PSD3: variants seen among roughly 807,000 people sequenced by gnomAD.
PSD3 encodes the protein PH and SEC7 domain-containing protein 3.
A neutral mutation model predicts 105.5 loss-of-function variants in PSD3; 49 were observed. The ratio of observed to expected loss-of-function variants is 0.46; its 90% CI spans 0.37 to 0.59. PSD3 has a LOEUF of 0.59. PSD3 is among the 20% of genes least tolerant of loss of function. The probability of loss-of-function intolerance (pLI) is 0.00; values close to 1 mark genes in which losing one functional copy is unlikely to be tolerated. For missense variants in PSD3, 1,561 were observed against 1,263.8 expected (o/e 1.24, Z -3.57); for synonymous variants, 557 against 457.8 (o/e 1.22, Z -2.77).
rs1563225066 is a variant in PSD3 at position 18,752,520 on chromosome 8, ATATATATAAT to A, written c.2172+12919_2172+12928del. 1.4e-3 allele frequency among the ~76,000 whole-genome samples: 100 copies of A among 72,834 alleles called. 2 individuals are homozygous for A. The highest frequency in any genetic ancestry group is 8.7e-3 in the African/African-American group (96 of 11,072). 47.8% of individuals were successfully genotyped at this position (72,834 alleles called of 152,430 possible). ...ATATATAATATATATAATATATGTA[ATATATATAAT>A]TATATATTATATATATTATATATAA... On this transcript the variant is annotated intron_variant, in intron 9 of 15. Transcript: ENST00000327040.
chr8:18,888,287 G>A (rs570287452), intron 2 of PSD3, among the ~76,000 whole-genome samples: 21 of 152,224 alleles, frequency 1.4e-4, no homozygotes, highest in Non-Finnish European at 2.8e-4. Context: ...GCCGACTACC[G>A]GCATGACCTT....
chr8:19,035,280 A>C (rs34885412), intron 1 of PSD3, among the ~76,000 whole-genome samples: 55,945 of 151,978 alleles, frequency 0.37, 10,595 homozygotes, highest in Middle Eastern at 0.46. Flanking sequence ...AATTTGATGG[A>C]TACAACCATT....
intron 8 of PSD3, among the ~76,000 whole-genome samples, chr8:18,788,156 A>G (rs1018053434): frequency 2.0e-5 from 3 of 152,192 alleles, no homozygotes; most frequent in African/African-American, 7.2e-5. Flanking sequence ...GGTACTGAGG[A>G]CAACATCGTG....
At chr8:19,055,912 G>A (rs1334018586) in intron 1 of PSD3, among the ~76,000 whole-genome samples, 16 of 152,194 alleles carry the variant, frequency 1.1e-4, no homozygotes, top group Admixed American at 1.0e-3. Context: ...TGATGCATAT[G>A]TCAGGAGAAC....
intron 1 of PSD3, among the ~76,000 whole-genome samples, chr8:18,972,538 A>G (rs1003692118): frequency 1.3e-5 from 2 of 152,220 alleles, no homozygotes. Context: ...CTAGGAAGAG[A>G]GCAATGTGCT....
At chr8:18,884,779 A>C (rs1381252517) in intron 2 of PSD3, among the ~76,000 whole-genome samples, 1 of 152,222 alleles carries the variant, frequency 6.6e-6, no homozygotes, top group African/African-American at 2.4e-5. Flanking sequence ...CATACTAATG[A>C]TTCAGAACCC....
chr8:18,823,599 T>G (rs1475931378), intron 4 of PSD3, among the ~76,000 whole-genome samples: 1 of 152,078 alleles, frequency 6.6e-6, no homozygotes, highest in Admixed American at 6.6e-5. Flanking sequence ...ACCCAAGAGA[T>G]GACGTTTCTA....
intron 8 of PSD3, among the ~76,000 whole-genome samples, chr8:18,777,879 A>G (rs1443950422): frequency 6.6e-6 from 1 of 152,158 alleles, no homozygotes; most frequent in Non-Finnish European, 1.5e-5. Context: ...AAACTCCCTC[A>G]TGAGGGAGAG....
At chr8:18,646,822 GATAAGGGAACCAA>G (rs1808071941) in intron 10 of PSD3, among the ~76,000 whole-genome samples, 1 of 152,070 alleles carries the variant, frequency 6.6e-6, no homozygotes, top group South Asian at 2.1e-4. Context: ...AGTAAAATAT[GATAAGGGAACCAA>G]ATAATGAAAG....
chr8:19,082,278 A>G (rs1586705944), intron 1 of PSD3, among the ~76,000 whole-genome samples: 1 of 152,026 alleles, frequency 6.6e-6, no homozygotes, highest in South Asian at 2.1e-4. Context: ...AGGGAATCAC[A>G]TTGTCTGACC....
chr8:19,016,984 A>G (rs983928917), upstream of PSD3, among the ~76,000 whole-genome samples: 1 of 152,048 alleles, frequency 6.6e-6, no homozygotes, highest in African/African-American at 2.4e-5. Flanking sequence ...TTAAATTTCA[A>G]CATGAATGTT....
chr8:18,883,689 A>C (rs1818267957), intron 2 of PSD3, among the ~76,000 whole-genome samples: 1 of 152,224 alleles, frequency 6.6e-6, no homozygotes, highest in South Asian at 2.1e-4. Context: ...CAAGGTTTTT[A>C]ATGTTCATAT....
Position 18,980,892 on chromosome 8 carries a change from C to A in PSD3, c.21+32671G>T, listed in dbSNP as rs947336306. On this transcript the variant is annotated intron_variant, in intron 1 of 15. Transcript: ENST00000327040. ...AGTGAACCTCTTTCAGTTCCCTGAA[C>A]TCTTTTCACAGCTTCTGATCGCTGG... 5.3e-5 allele frequency among the ~76,000 whole-genome samples: 8 copies of A among 152,310 alleles called. No individual in the cohort carries two copies. In the East Asian group the frequency reaches 1.2e-3, roughly 22 times the overall value.
intron 2 of PSD3, among the ~76,000 whole-genome samples, chr8:18,913,645 G>C (rs370526723): frequency 9.9e-5 from 15 of 152,122 alleles, no homozygotes; most frequent in African/African-American, 3.6e-4. Context: ...TAGGGACCCA[G>C]TCTCCAGGCA....
chr8:19,070,458 C>A (rs956275672), intron 1 of PSD3, among the ~76,000 whole-genome samples: 19 of 151,138 alleles, frequency 1.3e-4, no homozygotes, highest in African/African-American at 2.9e-4. Flanking sequence ...GGTAGATCAC[C>A]TGAGGTCAGG....
At chr8:18,868,714 G>C (rs1255072235) in intron 3 of PSD3, among the ~76,000 whole-genome samples, 1 of 152,172 alleles carries the variant, frequency 6.6e-6, no homozygotes, top group African/African-American at 2.4e-5. Flanking sequence ...ACAGGGTAGG[G>C]CATTCACTTT....
At chr8:18,859,363 G>A (rs1245117004) in intron 4 of PSD3, among the ~76,000 whole-genome samples, 3 of 151,788 alleles carry the variant, frequency 2.0e-5, no homozygotes, top group African/African-American at 7.3e-5. Flanking sequence ...GTAGATTTAA[G>A]GATAATTCTG....
chr8:18,659,431 T>C (rs1809156161), intron 9 of PSD3, among the ~76,000 whole-genome samples: 1 of 152,196 alleles, frequency 6.6e-6, no homozygotes, highest in Admixed American at 6.5e-5. Context: ...GGTTTCCTTA[T>C]ACGGATGAGG....
At chr8:18,579,573 C>T (rs1000855573) in intron 12 of PSD3, among the ~76,000 whole-genome samples, 11 of 152,134 alleles carry the variant, frequency 7.2e-5, no homozygotes, top group African/African-American at 2.7e-4. Flanking sequence ...TTTCACAATG[C>T]TATTTATTTT....
Sources: gnomAD v4.1 joint callset for allele counts (sites outside exome capture counted in the v4.1 genomes callset) on GRCh38, gnomAD v4.1.1 for gene constraint, MANE v1.5 for transcripts, NCBI Gene and HGNC (gene_info 2026-07-23, HGNC 2026-07-21) for gene names.